The following ZBTB10 variants were observed in gnomAD, a reference collection of about 807,000 sequenced individuals.
The protein encoded by ZBTB10 is zinc finger and BTB domain containing 10, also known as zinc finger and BTB domain-containing protein 10.
A neutral mutation model predicts 76.4 loss-of-function variants in ZBTB10; 32 were observed. The observed-to-expected ratio is 0.42, with a 90% confidence interval of 0.32 to 0.56. ZBTB10 has a LOEUF of 0.56. Ranked by LOEUF, ZBTB10 falls within the 20% of genes least tolerant of loss-of-function variation. The pLI, the probability that ZBTB10 is intolerant of heterozygous loss-of-function variation, is 0.14. For synonymous variants in ZBTB10, 523 were observed against 432.9 expected (o/e 1.21, Z -2.58); for missense variants, 1,057 against 1,098.5 (o/e 0.96, Z 0.53).
intron 3 of ZBTB10, among the ~76,000 whole-genome samples, 159 bp downstream of exon 3, chr8:80,514,167 A>T (rs934769613): frequency 1.3e-5 from 2 of 152,188 alleles, no homozygotes; most frequent in South Asian, 4.1e-4. Flanking sequence ...AAAATTGGTA[A>T]ATGCAAATTG....
chr8:80,513,863 G>T (rs766026786), intron 2 of ZBTB10, 47 bp from the exon 3 acceptor site: 1 of 1,484,698 alleles, frequency 6.7e-7, no homozygotes, highest in South Asian at 1.2e-5. Flanking sequence ...TTTGGGTGGT[G>T]GCTATGGTGT....
At chr8:80,514,170 G>A (rs1488179325) in intron 3 of ZBTB10, among the ~76,000 whole-genome samples, 162 bp downstream of exon 3, 1 of 152,164 alleles carries the variant, frequency 6.6e-6, no homozygotes, top group East Asian at 1.9e-4. Flanking sequence ...ATTGGTAAAT[G>A]CAAATTGATG....
chr8:80,499,071 A>G (rs1265016008), intron 1 of ZBTB10, among the ~76,000 whole-genome samples: 1 of 152,232 alleles, frequency 6.6e-6, no homozygotes, highest in Non-Finnish European at 1.5e-5. Flanking sequence ...TATGCCTAGC[A>G]TAAAATATAA....
rs145358284 is a variant in ZBTB10 at position 80,492,016 on chromosome 8, A to AT, written c.972+4237dup. ...AATGTAAGGCAGATCTATCAGCCTA[A>AT]TTTGTTTATGGCAGAAATAAGGGCG... On this transcript the variant is annotated intron_variant, in intron 1 of 5. Transcript: ENST00000455036. Among the ~76,000 whole-genome samples the AT allele has an allele frequency of 8.9e-3, 1,348 of 152,314 alleles. 19 individuals are homozygous for AT. Among genetic ancestry groups the AT allele is most frequent in the African/African-American group, 0.028 (1,177 of 41,572 alleles).
At position 80,523,849 on chromosome 8, in the gene ZBTB10, A is replaced by G. The variant is rs1816497790; in HGVS notation, c.*4321A>G. 1 of 151,980 alleles carries G rather than the reference A, an allele frequency of 6.6e-6. No homozygotes were observed. The highest frequency in any genetic ancestry group is 6.6e-5 in the Admixed American group (1 of 15,244). 9.4% of individuals were successfully genotyped at this position (151,980 alleles called of 1,614,324 possible). A position where few individuals can be genotyped will look rare whatever the true frequency, so the allele number is the denominator to read the frequency against. Reference sequence around the variant, plus strand: ...GAGCATTGGCATTTTGAACACTGTAAACAAAAGAACACTTCCGCCTGCTGT... The same window carrying G: ...GAGCATTGGCATTTTGAACACTGTAGACAAAAGAACACTTCCGCCTGCTGT... On this transcript the variant is annotated 3_prime_UTR_variant, in exon 6 of 6. Transcript: ENST00000455036.
At chr8:80,485,652 C>T (rs1474645403), upstream of ZBTB10, 2 of 724,738 alleles carry the variant, frequency 2.8e-6, no homozygotes, top group South Asian at 3.8e-5. Flanking sequence ...GAGGTGCTGC[C>T]TCGCACAATG....
intron 3 of ZBTB10, 133 bp from the exon 4 acceptor site, chr8:80,518,268 TAC>T (rs1563467823): frequency 2.4e-6 from 2 of 845,792 alleles, no homozygotes; most frequent in Admixed American, 3.4e-5. Flanking sequence ...TAGACTAAAA[TAC>T]AGTTTTATTT....
At position 80,524,524 on chromosome 8, in the gene ZBTB10, A is replaced by C. The variant is rs1816512375; in HGVS notation, c.*4996A>C. 6.6e-6 allele frequency: 1 copy of C among 152,108 alleles called. No homozygotes were observed. The highest frequency in any genetic ancestry group is 1.5e-5 in the Non-Finnish European group (1 of 67,968). 9.4% of individuals were successfully genotyped at this position (152,108 alleles called of 1,614,324 possible). A position where few individuals can be genotyped will look rare whatever the true frequency, so the allele number is the denominator to read the frequency against. On this transcript the variant is annotated 3_prime_UTR_variant, in exon 6 of 6. Coordinates refer to ENST00000455036, the MANE Select transcript of ZBTB10 (RefSeq NM_001105539.3). Reference sequence around the variant, plus strand: ...CTTTGAAACTTTATTAATGTAGAGAAAACATAACTAGCTTTTTAGGTTATT... The same window carrying C: ...CTTTGAAACTTTATTAATGTAGAGACAACATAACTAGCTTTTTAGGTTATT...
At chr8:80,513,860 G>T (rs377001874) in intron 2 of ZBTB10, 50 bp from the exon 3 acceptor site, 10 of 1,439,356 alleles carry the variant, frequency 6.9e-6, no homozygotes, top group Middle Eastern at 3.5e-4. Flanking sequence ...TGTTTTGGGT[G>T]GTGGCTATGG....
intron 1 of ZBTB10, among the ~76,000 whole-genome samples, chr8:80,497,381 C>T (rs1243548474): frequency 1.3e-5 from 2 of 150,732 alleles, no homozygotes; most frequent in African/African-American, 4.9e-5. Flanking sequence ...GTTTTGATTC[C>T]TCTATCCGTG....
At chr8:80,487,847 C>G in intron 1 of ZBTB10, 65 bp downstream of exon 1, 1 of 1,468,276 alleles carries the variant, frequency 6.8e-7, no homozygotes, top group East Asian at 2.3e-5. Flanking sequence ...GCACTCCCTT[C>G]ACCCCCACCC....
intron 2 of ZBTB10, among the ~76,000 whole-genome samples, chr8:80,504,318 C>A (rs1815997248): frequency 6.6e-6 from 1 of 152,154 alleles, no homozygotes; most frequent in East Asian, 1.9e-4. Context: ...CAATGCTTGG[C>A]ATGTTTGGAT....
Position 80,486,288 on chromosome 8 carries a change from G to A in ZBTB10, c.-523G>A. 9.9e-7 allele frequency: 1 copy of A among 1,013,634 alleles called. No homozygotes were observed. The highest frequency in any genetic ancestry group is 1.2e-6 in the Non-Finnish European group (1 of 849,488). The allele number at this position is 1,013,634 out of a possible 1,614,324, so 62.8% of individuals were successfully genotyped here. A position where few individuals can be genotyped will look rare whatever the true frequency, so the allele number is the denominator to read the frequency against. ...GAAACGCTCCGCCGGCTTTATTGTC[G>A]CTTCGTTATGTGGCGGAGCCGAGCA... On this transcript the variant is annotated 5_prime_UTR_variant, in exon 1 of 6. Transcript: ENST00000455036.
intron 2 of ZBTB10, among the ~76,000 whole-genome samples, chr8:80,505,585 C>T (rs756296994): frequency 2.6e-5 from 4 of 152,054 alleles, no homozygotes; most frequent in Non-Finnish European, 5.9e-5. Context: ...TTTAGGTTTG[C>T]GTTAATCCTT....
At position 80,487,544 on chromosome 8, in the gene ZBTB10, A is replaced by C. The variant is rs1335796320; in HGVS notation, c.734A>C (p.Lys245Thr). 1 of 1,596,310 alleles carries C rather than the reference A, an allele frequency of 6.3e-7. No homozygotes were observed. Among genetic ancestry groups the C allele is most frequent in the Non-Finnish European group, 8.5e-7 (1 of 1,171,406 alleles). ...GCGCGGCCCAAGTCTCTAATGCAGA[A>C]GCTCCAATGCTCCTTCCAGACCTCC... is the stretch of plus-strand genomic sequence containing the variant. The part of the protein sequence containing the change: ...PLARPKSLMQ[K>T]LQCSFQTSWL... Residue 245 changes from lysine to threonine, a missense_variant, in exon 1 of 6, where the codon AAG becomes ACG. Around this residue, in one of 5 missense-constraint regions of ZBTB10, gnomAD observed 556 missense variants for 451.7 expected, o/e 1.23. Coordinates refer to ENST00000455036, the MANE Select transcript of ZBTB10 (RefSeq NM_001105539.3).
At position 80,499,476 on chromosome 8, in the gene ZBTB10, T is replaced by G. The variant is rs1815867751; in HGVS notation, c.973-18T>G. Reference sequence around the variant, plus strand: ...AAGTCAATAAAGTTTAATATTAATGTTTTTTATCCAATTACAGGAGTCAGA... The same window carrying G: ...AAGTCAATAAAGTTTAATATTAATGGTTTTTATCCAATTACAGGAGTCAGA... On this transcript the variant is annotated intron_variant, in intron 1 of 5. Transcript: ENST00000455036. 1.3e-6 allele frequency: 2 copies of G among 1,540,660 alleles called. No individual in the cohort carries two copies.
chr8:80,500,745 A>G (rs966019435), intron 2 of ZBTB10, among the ~76,000 whole-genome samples: 1 of 152,062 alleles, frequency 6.6e-6, no homozygotes, highest in African/African-American at 2.4e-5. Flanking sequence ...ATATATAATC[A>G]CTGTCGTTTC....
chr8:80,498,308 G>A (rs75501927), intron 1 of ZBTB10, among the ~76,000 whole-genome samples: 6,112 of 152,150 alleles, frequency 0.04, 156 homozygotes, highest in Middle Eastern at 0.065. Context: ...CTCCATGCTC[G>A]TAAAATCATA....
At position 80,520,504 on chromosome 8, in the gene ZBTB10, T is replaced by G. The variant is rs1187869249; in HGVS notation, c.*976T>G. ...ATAAGTAAAATGATTTGTTTTATAA[T>G]TTATCCACCATGTCCAGTTTGGTTA... On this transcript the variant is annotated 3_prime_UTR_variant, in exon 6 of 6. Coordinates refer to ENST00000455036, the MANE Select transcript of ZBTB10 (RefSeq NM_001105539.3). 6.6e-6 allele frequency: 1 copy of G among 152,514 alleles called. No individual in the cohort carries two copies. Among genetic ancestry groups the G allele is most frequent in the Non-Finnish European group, 1.5e-5 (1 of 67,950 alleles). The allele number at this position is 152,514 out of a possible 1,614,324, so 9.4% of individuals were successfully genotyped here. A position where few individuals can be genotyped will look rare whatever the true frequency, so the allele number is the denominator to read the frequency against.
Sources: gnomAD v4.1 joint callset for allele counts (sites outside exome capture counted in the v4.1 genomes callset) on GRCh38, gnomAD v4.1.1 for gene constraint, gnomAD v4.1.1 regional missense constraint, MANE v1.5 for transcripts, NCBI Gene and HGNC (gene_info 2026-07-23, HGNC 2026-07-21) for gene names.